DACT2: variants seen among roughly 807,000 people sequenced by gnomAD.
DACT2 encodes the protein dapper homolog 2.
DACT2 carries 20 observed loss-of-function variants against 22.2 expected under a neutral mutation model. The observed-to-expected ratio is 0.90, with a 90% CI of 0.63 to 1.31. The LOEUF (loss-of-function observed/expected upper bound fraction) is 1.31. Among genes scored for constraint, DACT2 ranks in the 50% most tolerant of loss-of-function variants. DACT2 has a pLI of 0.00. For synonymous variants in DACT2, 463 were observed against 479.8 expected (o/e 0.96, Z 0.46); for missense variants, 1,048 against 1,061.4 (o/e 0.99, Z 0.18).
chr6:168,311,568 A>ATC (rs1562498466), intron 1 of DACT2, among the ~76,000 whole-genome samples: 3 of 146,100 alleles, frequency 2.1e-5, no homozygotes, highest in African/African-American at 7.8e-5. Context: ...ACTCACACAC[A>ATC]AACACACACA....
chr6:168,314,834 T>C (rs1198801147), intron 1 of DACT2, among the ~76,000 whole-genome samples: 4 of 152,290 alleles, frequency 2.6e-5, no homozygotes, highest in Admixed American at 1.3e-4. Flanking sequence ...GAGAGGTAAA[T>C]GCTGTTACCT....
chr6:168,294,672 G>A, exon 4 of DACT2: 1 of 1,496,784 alleles, frequency 6.7e-7, no homozygotes, highest in South Asian at 1.3e-5. Flanking sequence ...GGCGGAGCAT[G>A]CATGTCAAGT....
exon 6 of DACT2, chr6:168,293,348 T>C (rs1385006088): frequency 6.5e-6 from 1 of 152,712 alleles, no homozygotes; most frequent in Admixed American, 6.5e-5. Flanking sequence ...AATTTTCACA[T>C]CATTTTGCAA....
downstream of DACT2, among the ~76,000 whole-genome samples, chr6:168,302,719 C>A (rs1583292032): frequency 6.6e-6 from 1 of 152,320 alleles, no homozygotes; most frequent in Non-Finnish European, 1.5e-5. Context: ...CACCGCCCAA[C>A]CTTGACTGCA....
intron 1 of DACT2, among the ~76,000 whole-genome samples, chr6:168,315,231 G>T (rs1363622023): frequency 6.6e-6 from 1 of 152,198 alleles, no homozygotes; most frequent in East Asian, 1.9e-4. Flanking sequence ...GCCCTTCTGT[G>T]TCTCTCCCGC....
chr6:168,305,141 CGATT>C (rs944050509), downstream of DACT2, among the ~76,000 whole-genome samples: 3 of 152,220 alleles, frequency 2.0e-5, no homozygotes, highest in Middle Eastern at 3.4e-3. Flanking sequence ...GGAAGGAGAA[CGATT>C]GATTGATTGA....
intron 3 of DACT2, among the ~76,000 whole-genome samples, chr6:168,309,424 G>A (rs1338840895): frequency 6.6e-6 from 1 of 151,660 alleles, no homozygotes; most frequent in African/African-American, 2.4e-5. Context: ...TTTGCGTGTA[G>A]ACACAGGGTG....
chr6:168,308,899 G>A lies in DACT2; in HGVS notation c.858C>T (p.Ser286=). 1 of 1,550,826 alleles carries A rather than the reference G, an allele frequency of 6.4e-7. No homozygotes were observed. The change falls in exon 4 of 4, where the codon AGC becomes AGT. Residue 286 remains serine (S), a synonymous_variant. Coordinates refer to ENST00000366795, the MANE Select transcript of DACT2 (RefSeq NM_214462.5). ...TTTCCTTAGTCAGGACAAACAGGGGGCTCTGTAGAGCCACGGCGTGCAGGG... is the reference window on the plus strand; with the variant it reads ...TTTCCTTAGTCAGGACAAACAGGGGACTCTGTAGAGCCACGGCGTGCAGGG... ...PSPLHAVALQ[S]PLFVLTKETP... is the part of the protein sequence containing the mutation.
chr6:168,299,115 T>C (rs1396066212), intron 3 of DACT2: 1 of 152,226 alleles, frequency 6.6e-6, no homozygotes, highest in Non-Finnish European at 1.5e-5. Flanking sequence ...CTGAGAGTCC[T>C]TTAATAAATT....
intron 3 of DACT2, among the ~76,000 whole-genome samples, chr6:168,297,234 A>G (rs183894845): frequency 1.8e-4 from 27 of 152,306 alleles, no homozygotes; most frequent in Non-Finnish European, 2.9e-5. Context: ...CCGCGTCCTA[A>G]TCCCCAGAAC....
At chr6:168,315,165 A>G (rs1779513864) in intron 1 of DACT2, among the ~76,000 whole-genome samples, 1 of 152,218 alleles carries the variant, frequency 6.6e-6, no homozygotes, top group Non-Finnish European at 1.5e-5. Flanking sequence ...AGTCATGACC[A>G]GCCATGTCAA....
downstream of DACT2, chr6:168,306,832 C>A: frequency 1.0e-6 from 1 of 959,054 alleles, no homozygotes; most frequent in Non-Finnish European, 1.2e-6. Context: ...CTGGCACGTG[C>A]CCTGTGATGG....
At chr6:168,311,114 C>A in intron 2 of DACT2, 38 bp downstream of exon 2, 1 of 1,493,948 alleles carries the variant, frequency 6.7e-7, no homozygotes, top group Non-Finnish European at 9.0e-7. Context: ...GTGCTGCGTG[C>A]CTGCCCCTGT....
intron 1 of DACT2, 111 bp from the exon 2 acceptor site, chr6:168,311,395 A>G (rs933745181): frequency 7.1e-5 from 93 of 1,303,816 alleles, no homozygotes; most frequent in African/African-American, 8.9e-5. Context: ...CCCAAAGTCC[A>G]CGCGAAATAC....
Position 168,307,680 on chromosome 6 carries a change from G to T in DACT2, c.2077C>A (p.Arg693=). Residue 693 remains arginine, a synonymous_variant, in exon 4 of 4, where the codon CGA becomes AGA. Transcript: ENST00000366795. This position sits in a 1 kb window ranked among gnomAD's most constrained non-coding sequence, Gnocchi z 5.3. The part of the protein sequence containing the change: ...EGESSDHTTN[R]FGDRESSSSD... ...CTGCTGGACTCACGGTCTCCGAATC[G>T]GTTGGTGGTGTGGTCACTGGACTCT... is the stretch of plus-strand genomic sequence containing the variant. 6.5e-7 allele frequency: 1 copy of T among 1,550,086 alleles called. No individual in the cohort carries two copies. The highest frequency in any genetic ancestry group is 8.7e-7 in the Non-Finnish European group (1 of 1,146,458).
Position 168,319,494 on chromosome 6 carries a change from A to G in DACT2, c.140T>C (p.Leu47Pro). The G allele has an allele frequency of 1.6e-6, 2 of 1,263,746 alleles. No homozygotes were observed. The highest frequency in any genetic ancestry group is 2.0e-6 in the Non-Finnish European group (2 of 1,000,342). The allele number at this position is 1,263,746 out of a possible 1,614,324, so 78.3% of individuals were successfully genotyped here. A position where few individuals can be genotyped will look rare whatever the true frequency, so the allele number is the denominator to read the frequency against. Residue 47 changes from leucine (L) to proline (P), a missense_variant, in exon 1 of 4, where the codon CTG becomes CCG. Leu to Pro is a moderately conservative substitution (Grantham distance 98). Transcript: ENST00000366795. ...GGGCGCGGGCGGGGGCTGCAGGGCC[A>G]GGGCGCCCCGTACCCGCTCCTGCTG... Reference protein sequence around the residue: ...ATQQERVRGALALQPPPAPAA... With the variant: ...ATQQERVRGAPALQPPPAPAA...
intron 3 of DACT2, chr6:168,299,762 C>G (rs563081609): frequency 6.6e-6 from 1 of 152,320 alleles, no homozygotes; most frequent in African/African-American, 2.4e-5. Flanking sequence ...CCATGTGCTC[C>G]GGGGCCACCG....
In DACT2 at chr6:168,319,544, C is replaced by T. The variant is rs775675937; in HGVS notation, c.90G>A (p.Gln30=). The change falls in exon 1 of 4, where the codon CAG becomes CAA. Residue 30 remains glutamine (Q), a synonymous_variant. Transcript: ENST00000366795. The part of the protein sequence containing the change: ...ARLRAAFAGL[Q]ELQGLRATQQ... ...GCGTGGCTCGCAGCCCCTGCAGCTC[C>T]TGCAGCCCCGCGAACGCCGCGCGCA... is the stretch of plus-strand genomic sequence containing the variant. 79 of 1,377,068 alleles carry T rather than the reference C, an allele frequency of 5.7e-5. No individual in the cohort carries two copies. The highest frequency in any genetic ancestry group is 1.5e-4 in the Admixed American group (6 of 39,344). 85.3% of individuals were successfully genotyped at this position (1,377,068 alleles called of 1,614,324 possible).
Position 168,308,550 on chromosome 6 carries a change from G to GCCCGCCCCTGCCGGCA in DACT2, c.1191_1206dup (p.Pro403CysfsTer15). ...AGGGGCATGTATCCCTGCTGCTGGG[G>GCCCGCCCCTGCCGGCA]CCCGCCCCTGCCGGCACCCCTGCTC... On this transcript the variant is annotated frameshift_variant, in exon 4 of 4. Transcript: ENST00000366795. LOFTEE classifies it low-confidence loss of function (END_TRUNC). The GCCCGCCCCTGCCGGCA allele has an allele frequency of 1.3e-6, 2 of 1,518,592 alleles. No individual in the cohort carries two copies. Among genetic ancestry groups the GCCCGCCCCTGCCGGCA allele is most frequent in the Non-Finnish European group, 8.8e-7 (1 of 1,139,784 alleles). 94.1% of individuals were successfully genotyped at this position (1,518,592 alleles called of 1,614,324 possible). A position where few individuals can be genotyped will look rare whatever the true frequency, so the allele number is the denominator to read the frequency against.
Sources: gnomAD v4.1 joint callset for allele counts (sites outside exome capture counted in the v4.1 genomes callset) on GRCh38, gnomAD v4.1.1 for gene constraint, Gnocchi (gnomAD v3.1) non-coding constraint, MANE v1.5 for transcripts, NCBI Gene and HGNC (gene_info 2026-07-23, HGNC 2026-07-21) for gene names.